Variants in CFTR observed in about 807,000 individuals in gnomAD.
CFTR encodes cystic fibrosis transmembrane conductance regulator.
In CFTR, 181 loss-of-function variants were observed where a neutral mutation model predicts 171.6. The observed-to-expected ratio is 1.05, with a 90% confidence interval of 0.93 to 1.19. The LOEUF (loss-of-function observed/expected upper bound fraction) is 1.19. Ranked by LOEUF, CFTR falls within the 50% of genes most tolerant of loss-of-function variation. CFTR has a pLI of 0.00. For missense variants in CFTR, 1,968 were observed against 1,734.7 expected (o/e 1.13, Z -2.39); for synonymous variants, 583 against 608.0 (o/e 0.96, Z 0.60).
intron 9 of CFTR, among the ~76,000 whole-genome samples, chr7:117,546,469 T>G (rs1313535525): frequency 6.6e-6 from 1 of 152,170 alleles, no homozygotes; most frequent in East Asian, 1.9e-4. Flanking sequence ...TAAATATACA[T>G]ATTTATTAAA....
At chr7:117,501,776 C>CAAAA (rs796991857) in intron 1 of CFTR, among the ~76,000 whole-genome samples, 15 of 84,342 alleles carry the variant, frequency 1.8e-4, no homozygotes, top group Admixed American at 5.0e-4. Context: ...AAAAAAGAAA[C>CAAAA]AAAAAAAAAA....
intron 26 of CFTR, among the ~76,000 whole-genome samples, chr7:117,666,211 A>C (rs1304250978): frequency 6.6e-6 from 1 of 152,184 alleles, no homozygotes; most frequent in Admixed American, 6.5e-5. Context: ...AAAACAAAAC[A>C]AAACTGTCAC....
intron 11 of CFTR, among the ~76,000 whole-genome samples, chr7:117,565,496 T>C (rs1584800983): frequency 6.6e-6 from 1 of 152,098 alleles, no homozygotes; most frequent in Middle Eastern, 3.4e-3. Context: ...TAAATGTACC[T>C]GAGTTTGGAG....
At chr7:117,535,070 T>C (rs924011896) in intron 5 of CFTR, among the ~76,000 whole-genome samples, 178 bp from the exon 6 acceptor site, 22 of 152,238 alleles carry the variant, frequency 1.4e-4, no homozygotes, top group African/African-American at 5.1e-4. Flanking sequence ...ATGTGTAGAA[T>C]GTTTAAGCAC....
rs574085684 is a variant in CFTR at position 117,648,505 on chromosome 7, T to C, written c.3874-4337T>C. ...CAAGAAGTGCTCTTTATGACATATA[T>C]GGCATTAAATAAATATCAGATATTT... On this transcript the variant is annotated intron_variant, in intron 23 of 26. Coordinates refer to ENST00000003084, the MANE Select transcript of CFTR (RefSeq NM_000492.4). 8.5e-5 allele frequency among the ~76,000 whole-genome samples: 13 copies of C among 152,252 alleles called. No homozygotes were observed. In the South Asian group the frequency reaches 2.7e-3, roughly 32 times the overall value.
chr7:117,565,633 A>G (rs1373357984), intron 11 of CFTR, among the ~76,000 whole-genome samples: 3 of 152,152 alleles, frequency 2.0e-5, no homozygotes, highest in Non-Finnish European at 2.9e-5. Flanking sequence ...GAACCACGTA[A>G]TGGTCTTCAT....
chr7:117,519,451 G>T (rs1343223347), intron 3 of CFTR, among the ~76,000 whole-genome samples: 3 of 151,932 alleles, frequency 2.0e-5, no homozygotes, highest in Admixed American at 2.0e-4. Context: ...AGCATTCATT[G>T]TATCCTATGA....
At chr7:117,535,037 T>C (rs1042219334) in intron 5 of CFTR, among the ~76,000 whole-genome samples, 86 of 152,352 alleles carry the variant, frequency 5.6e-4, no homozygotes, top group African/African-American at 2.0e-3. Context: ...ACTTGAAATT[T>C]GTTTTTTGGG....
intron 15 of CFTR, among the ~76,000 whole-genome samples, chr7:117,598,357 G>GAA (rs1420981956): frequency 6.6e-6 from 1 of 152,184 alleles, no homozygotes; most frequent in East Asian, 1.9e-4. Flanking sequence ...AAATGACCCA[G>GAA]AAAAAGAACC....
chr7:117,498,079 A>G (rs1248798475), intron 1 of CFTR, among the ~76,000 whole-genome samples: 2 of 152,128 alleles, frequency 1.3e-5, no homozygotes, highest in East Asian at 3.9e-4. Context: ...TAGCAAATTA[A>G]TTTCCATTAG....
chr7:117,573,719 G>A (rs1791729028), intron 11 of CFTR, among the ~76,000 whole-genome samples: 1 of 152,092 alleles, frequency 6.6e-6, no homozygotes, highest in Admixed American at 6.6e-5. Context: ...GTGGAGGATG[G>A]TTTGAAAGAA....
At chr7:117,499,990 G>A (rs747310446) in intron 1 of CFTR, among the ~76,000 whole-genome samples, 9 of 152,114 alleles carry the variant, frequency 5.9e-5, no homozygotes, top group South Asian at 2.1e-4. Context: ...AGGCAGAGCC[G>A]AGTTTATTGC....
At position 117,611,654 on chromosome 7, in the gene CFTR, G is replaced by T; in HGVS notation, c.3213G>T (p.Gln1071His). The T allele has an allele frequency of 6.2e-7, 1 of 1,613,550 alleles. No individual in the cohort carries two copies. Among genetic ancestry groups the T allele is most frequent in the Non-Finnish European group, 8.5e-7 (1 of 1,179,756 alleles). ...GGACACTTCGTGCCTTCGGACGGCA[G>T]CCTTACTTTGAAACTCTGTTCCACA... Reference protein sequence around the residue: ...GLWTLRAFGRQPYFETLFHKA... With the variant: ...GLWTLRAFGRHPYFETLFHKA... The change falls in exon 20 of 27, where the codon CAG becomes CAT. Residue 1071 changes from glutamine (Q) to histidine (H), a missense_variant. Gln to His is a conservative substitution (Grantham distance 24). Coordinates refer to ENST00000003084, the MANE Select transcript of CFTR (RefSeq NM_000492.4).
chr7:117,612,036 T>TATATAC (rs1554392415), intron 20 of CFTR, among the ~76,000 whole-genome samples: 2 of 78,458 alleles, frequency 2.5e-5, no homozygotes, highest in Non-Finnish European at 5.4e-5. Flanking sequence ...TATATATATA[T>TATATAC]ATATATATAT....
intron 14 of CFTR, among the ~76,000 whole-genome samples, chr7:117,593,911 C>T (rs1018429849): frequency 7.2e-5 from 11 of 152,032 alleles, no homozygotes; most frequent in African/African-American, 2.7e-4. Context: ...CTGCGCCCAG[C>T]CCATCTATAT....
At chr7:117,574,255 A>G (rs945069799) in intron 11 of CFTR, among the ~76,000 whole-genome samples, 1 of 152,090 alleles carries the variant, frequency 6.6e-6, no homozygotes, top group Non-Finnish European at 1.5e-5. Context: ...AATGAACAAT[A>G]AATTAGGTAA....
intron 3 of CFTR, among the ~76,000 whole-genome samples, chr7:117,512,914 A>G (rs1191144732): frequency 6.6e-6 from 1 of 152,158 alleles, no homozygotes; most frequent in Non-Finnish European, 1.5e-5. Flanking sequence ...ACCTTTTTTC[A>G]TTAAACCTCA....
chr7:117,577,695 A>G (rs1463514459), intron 11 of CFTR, among the ~76,000 whole-genome samples: 2 of 152,130 alleles, frequency 1.3e-5, no homozygotes, highest in African/African-American at 4.8e-5. Flanking sequence ...CAAAATACCA[A>G]TACAATTGAC....
chr7:117,586,217 C>T (rs192545480), intron 11 of CFTR: 138 of 152,254 alleles, frequency 9.1e-4, no homozygotes, highest in African/African-American at 3.2e-3. Flanking sequence ...TGAACAAAAG[C>T]ATGCTCATTT....
Sources: allele counts gnomAD v4.1 joint callset (sites outside exome capture counted in the v4.1 genomes callset), GRCh38; gene constraint gnomAD v4.1.1; transcripts MANE v1.5; gene names NCBI Gene and HGNC (gene_info 2026-07-23, HGNC 2026-07-21).